The following GAA variants were observed in gnomAD, a reference collection of about 807,000 sequenced individuals.
The protein encoded by GAA is alpha glucosidase, also known as lysosomal alpha-glucosidase.
GAA carries 88 observed loss-of-function variants against 103.9 expected under a neutral mutation model. The ratio of observed to expected loss-of-function variants is 0.85; its 90% CI spans 0.71 to 1.01. GAA has a LOEUF of 1.01. Ranked by LOEUF, GAA falls within the 50% of genes least tolerant of loss-of-function variation. GAA has a pLI of 0.00. For missense variants in GAA, 1,350 were observed against 1,305.3 expected (o/e 1.03, Z -0.53); for synonymous variants, 572 against 563.1 (o/e 1.02, Z -0.22).
intron 15 of GAA, among the ~76,000 whole-genome samples, chr17:80,114,628 C>T (rs1288788739): frequency 6.6e-6 from 1 of 150,516 alleles, no homozygotes; most frequent in East Asian, 2.0e-4. Context: ...CCGCCTTATT[C>T]AATTATCTTT....
At chr17:80,113,079 T>C (rs1231135633) in intron 14 of GAA, 52 bp downstream of exon 14, 2 of 1,430,116 alleles carry the variant, frequency 1.4e-6, no homozygotes, top group African/African-American at 2.8e-5. Context: ...CACCCAAGAC[T>C]CTCCCCTGGG....
At chr17:80,103,856 C>G (rs1192682194) in intron 1 of GAA, among the ~76,000 whole-genome samples, 1 of 152,176 alleles carries the variant, frequency 6.6e-6, no homozygotes, top group Non-Finnish European at 1.5e-5. Context: ...GTGGTATGTC[C>G]GTGCACCAGT....
In GAA at chr17:80,107,857, T is replaced by A; in HGVS notation, c.916T>A (p.Ser306Thr). The A allele has an allele frequency of 1.9e-6, 3 of 1,611,540 alleles. No individual in the cohort carries two copies. The African/African-American group carries it at 4.0e-5, about 22-fold the overall frequency. ...PFYLALEDGG[S>T]AHGVFLLNSN... ...CTACCTGGCGCTGGAGGACGGCGGG[T>A]CGGCACACGGGGTGTTCCTGCTAAA... The change falls in exon 5 of 20, where the codon TCG becomes ACG. Residue 306 changes from serine to threonine, a missense_variant. Physicochemically the swap from Ser to Thr is moderately conservative, Grantham distance 58. Coordinates refer to ENST00000302262, the MANE Select transcript of GAA (RefSeq NM_000152.5).
At chr17:80,103,407 C>T (rs1445578156) in intron 1 of GAA, among the ~76,000 whole-genome samples, 1 of 152,146 alleles carries the variant, frequency 6.6e-6, no homozygotes, top group African/African-American at 2.4e-5. Context: ...TGCCTAGGTG[C>T]GGTGGCTCTC....
In GAA at chr17:80,107,688, G is replaced by C; in HGVS notation, c.824G>C (p.Arg275Thr). The stretch of plus-strand genomic sequence containing the variant: ...CTGATGCTCAGCACCAGCTGGACCA[G>C]GATCACCCTGTGGAACCGGGACCTT... ...SPLMLSTSWT[R>T]ITLWNRDLAP... Residue 275 changes from arginine to threonine, a missense_variant, in exon 4 of 20, where the codon AGG (arginine) becomes ACG (threonine). Physicochemically the swap from Arg to Thr is moderately conservative, Grantham distance 71 (BLOSUM62 -1). Coordinates refer to ENST00000302262, the MANE Select transcript of GAA (RefSeq NM_000152.5). 1 of 1,612,840 alleles carries C rather than the reference G, an allele frequency of 6.2e-7. No individual in the cohort carries two copies. The highest frequency in any genetic ancestry group is 8.5e-7 in the Non-Finnish European group (1 of 1,179,830).
rs376067362 is a variant in GAA at position 80,110,793 on chromosome 17, A to G, written c.1504A>G (p.Met502Val). Residue 502 changes from methionine to valine, a missense_variant, in exon 10 of 20, where the codon ATG (methionine) becomes GTG (valine). Physicochemically the swap from Met to Val is conservative, Grantham distance 21 (BLOSUM62 1). Coordinates refer to ENST00000302262, the MANE Select transcript of GAA (RefSeq NM_000152.5). ...CACAGCCCTGGCCTGGTGGGAGGAC[A>G]TGGTGGCTGAGTTCCATGACCAGGT... ...NPTALAWWED[M>V]VAEFHDQVPF... 127 of 1,613,990 alleles carry G rather than the reference A, an allele frequency of 7.9e-5. No individual in the cohort carries two copies. The highest frequency in any genetic ancestry group is 1.0e-4 in the Non-Finnish European group (123 of 1,180,006).
chr17:80,118,531 C>T (rs2039410759), intron 18 of GAA, 122 bp from the exon 19 acceptor site: 9 of 1,406,708 alleles, frequency 6.4e-6, no homozygotes, highest in Non-Finnish European at 9.0e-6. Flanking sequence ...CTTTCGTGTA[C>T]ACAGAGGGAG....
At position 80,104,034 on chromosome 17, in the gene GAA, G is replaced by C. The variant is rs115060925; in HGVS notation, c.-32-521G>C. Reference sequence around the variant, plus strand: ...ATCCCAGCACTTCGGAAGGCCAAGGGGGGTGGATCACTTGAGCTCAGGAGT... The same window carrying C: ...ATCCCAGCACTTCGGAAGGCCAAGGCGGGTGGATCACTTGAGCTCAGGAGT... On this transcript the variant is annotated intron_variant, in intron 1 of 19. Transcript: ENST00000302262. The surrounding 1 kb of genome is among the most constrained non-coding windows in gnomAD (Gnocchi z 4.0). 2.0e-5 allele frequency among the ~76,000 whole-genome samples: 3 copies of C among 152,270 alleles called. No homozygotes were observed. Among genetic ancestry groups the C allele is most frequent in the South Asian group, 2.1e-4 (1 of 4,828 alleles).
In GAA at chr17:80,118,790, C is replaced by T. The variant is rs752980377; in HGVS notation, c.2784C>T (p.Tyr928=). 1.2e-6 allele frequency: 2 copies of T among 1,613,382 alleles called. No homozygotes were observed. Among genetic ancestry groups the T allele is most frequent in the South Asian group, 1.1e-5 (1 of 91,082 alleles). Residue 928 remains tyrosine, a synonymous_variant, in exon 19 of 20, where the codon TAC becomes TAT. Transcript: ENST00000302262. The part of the protein sequence containing the change: ...SNGVPVSNFT[Y]SPDTKVLDIC... ...GTGTCCCTGTCTCCAACTTCACCTA[C>T]AGCCCCGACACCAAGGCAAGAGGGC...
intron 8 of GAA, among the ~76,000 whole-genome samples, chr17:80,109,504 C>G (rs1324712621): frequency 6.6e-6 from 1 of 152,346 alleles, no homozygotes; most frequent in Admixed American, 6.5e-5. Context: ...CCGGAAGATC[C>G]ACTTCAGCAG....
Position 80,112,723 on chromosome 17 carries a change from C to A in GAA, c.1888+12C>A, listed in dbSNP as rs1180170703. 3.1e-6 allele frequency: 5 copies of A among 1,602,226 alleles called. No individual in the cohort carries two copies. Among genetic ancestry groups the A allele is most frequent in the Middle Eastern group, 1.7e-4 (1 of 6,046 alleles). Reference sequence around the variant, plus strand: ...CTCCTCCGTGCCAGGTGAGCTCCTACCAGGAGGGGCTGCTCAGCAGAGTAG... The same window carrying A: ...CTCCTCCGTGCCAGGTGAGCTCCTAACAGGAGGGGCTGCTCAGCAGAGTAG... On this transcript the variant is annotated intron_variant, in intron 13 of 19. Coordinates refer to ENST00000302262, the MANE Select transcript of GAA (RefSeq NM_000152.5).
At position 80,112,607 on chromosome 17, in the gene GAA, C is replaced by T. The variant is rs763772240; in HGVS notation, c.1784C>T (p.Pro595Leu). 2 of 1,612,998 alleles carry T rather than the reference C, an allele frequency of 1.2e-6. No individual in the cohort carries two copies. The highest frequency in any genetic ancestry group is 1.7e-5 in the Admixed American group (1 of 60,024). The change falls in exon 13 of 20, where the codon CCA becomes CTA. Residue 595 changes from proline to leucine, a missense_variant. Coordinates refer to ENST00000302262, the MANE Select transcript of GAA (RefSeq NM_000152.5). ...CTGGTGAAGGCTCGGGGGACACGCCCATTTGTGATCTCCCGCTCGACCTTT... is the reference window on the plus strand; with the variant it reads ...CTGGTGAAGGCTCGGGGGACACGCCTATTTGTGATCTCCCGCTCGACCTTT... ...RALVKARGTR[P>L]FVISRSTFAG... is the part of the protein sequence containing the mutation.
chr17:80,112,766 G>C, intron 13 of GAA, 55 bp downstream of exon 13: 1 of 1,582,960 alleles, frequency 6.3e-7, no homozygotes, highest in Non-Finnish European at 8.6e-7. Flanking sequence ...GGCCTCTATG[G>C]GAGGCTTGCC....
At chr17:80,119,172 C>T in intron 19 of GAA, 100 bp from the exon 20 acceptor site, 2 of 1,195,688 alleles carry the variant, frequency 1.7e-6, no homozygotes, top group Admixed American at 1.7e-5. Flanking sequence ...GGCCTCGCTG[C>T]TGCTGGGATC....
rs930247743 is a variant in GAA, at chr17:80,118,229, C to G, written c.2518C>G (p.Pro840Ala). ...GLTTTESRQQPMALAVALTKG... is the reference protein window; with the variant it reads ...GLTTTESRQQAMALAVALTKG... ...CACAACCACAGAGTCCCGCCAGCAGCCCATGGCCCTGGCTGTGGCCCTGAC... is the reference window on the plus strand; with the variant it reads ...CACAACCACAGAGTCCCGCCAGCAGGCCATGGCCCTGGCTGTGGCCCTGAC... The change falls in exon 18 of 20, where the codon CCC becomes GCC. Residue 840 changes from proline to alanine, a missense_variant. Pro to Ala is a conservative substitution (Grantham distance 27). Coordinates refer to ENST00000302262, the MANE Select transcript of GAA (RefSeq NM_000152.5). 2.5e-6 allele frequency: 4 copies of G among 1,613,046 alleles called. No individual in the cohort carries two copies. The highest frequency in any genetic ancestry group is 3.4e-6 in the Non-Finnish European group (4 of 1,179,732).
intron 15 of GAA, among the ~76,000 whole-genome samples, chr17:80,113,651 C>T (rs1418819298): frequency 6.6e-6 from 1 of 152,172 alleles, no homozygotes; most frequent in East Asian, 1.9e-4. Flanking sequence ...TAACTATTTG[C>T]AGAAGTCAAT....
At chr17:80,116,436 G>A (rs376743409) in intron 15 of GAA, among the ~76,000 whole-genome samples, 3 of 152,204 alleles carry the variant, frequency 2.0e-5, no homozygotes, top group African/African-American at 4.8e-5. Flanking sequence ...CTGCACGTCC[G>A]GGGGCAGGAA....
At chr17:80,118,405 T>C (rs976187820) in intron 18 of GAA, 48 bp downstream of exon 18, 1 of 1,555,748 alleles carries the variant, frequency 6.4e-7, no homozygotes, top group African/African-American at 1.4e-5. Flanking sequence ...CGGCTCGGGG[T>C]TGAGAAGGGG....
intron 9 of GAA, 79 bp downstream of exon 9, chr17:80,110,134 C>T (rs961526403): frequency 1.2e-5 from 14 of 1,190,316 alleles, no homozygotes; most frequent in Admixed American, 1.8e-5. Flanking sequence ...CTCAGGAAGA[C>T]GGTGGGATTT....
Sources: allele counts gnomAD v4.1 joint callset (sites outside exome capture counted in the v4.1 genomes callset), GRCh38; gene constraint gnomAD v4.1.1; non-coding constraint Gnocchi (gnomAD v3.1); transcripts MANE v1.5; gene names NCBI Gene and HGNC (gene_info 2026-07-23, HGNC 2026-07-21).